Variants in PTPRR observed in about 807,000 individuals in gnomAD.
PTPRR encodes receptor-type tyrosine-protein phosphatase R.
In PTPRR, 38 loss-of-function variants were observed where a neutral mutation model predicts 77.2. The ratio of observed to expected loss-of-function variants is 0.49; its 90% CI spans 0.38 to 0.65. The LOEUF is 0.65. Ranked by LOEUF, PTPRR falls within the 30% of genes least tolerant of loss-of-function variation. PTPRR has a pLI of 0.00. For synonymous variants in PTPRR, 299 were observed against 283.1 expected (o/e 1.06, Z -0.57); for missense variants, 744 against 799.2 (o/e 0.93, Z 0.83).
chr12:70,687,626 C>A (rs546988660), intron 8 of PTPRR, among the ~76,000 whole-genome samples: 1 of 152,184 alleles, frequency 6.6e-6, no homozygotes, highest in South Asian at 2.1e-4. Flanking sequence ...TCAGTTTGAA[C>A]CAAAACACTT....
At chr12:70,876,404 C>T (rs1361207580) in intron 2 of PTPRR, among the ~76,000 whole-genome samples, 3 of 152,002 alleles carry the variant, frequency 2.0e-5, no homozygotes, top group Non-Finnish European at 4.4e-5. Context: ...AATAGATGTA[C>T]ATTGACTCAG....
intron 2 of PTPRR, among the ~76,000 whole-genome samples, chr12:70,863,465 CT>C (rs778761367): frequency 4.0e-4 from 61 of 152,042 alleles, no homozygotes; most frequent in Non-Finnish European, 7.2e-4. Context: ...GCCTAGCATG[CT>C]TTTTAATTTG....
intron 2 of PTPRR, among the ~76,000 whole-genome samples, chr12:70,812,430 A>G (rs985057509): frequency 5.3e-5 from 8 of 152,204 alleles, no homozygotes; most frequent in Admixed American, 3.9e-4. Context: ...CTACTCGTGA[A>G]AGTGCTTTAA....
intron 13 of PTPRR, among the ~76,000 whole-genome samples, chr12:70,644,193 G>A (rs1322028461): frequency 3.9e-5 from 6 of 152,168 alleles, no homozygotes; most frequent in African/African-American, 1.4e-4. Context: ...GTTTCCCAAT[G>A]TATGACTGGC....
At chr12:70,802,812 A>C (rs1393981651) in intron 2 of PTPRR, among the ~76,000 whole-genome samples, 2 of 152,180 alleles carry the variant, frequency 1.3e-5, no homozygotes, top group African/African-American at 2.4e-5. Context: ...TGAGACTATA[A>C]ATAAGTAATT....
chr12:70,826,212 C>T (rs1045386336), intron 2 of PTPRR, among the ~76,000 whole-genome samples: 1 of 152,022 alleles, frequency 6.6e-6, no homozygotes, highest in Admixed American at 6.6e-5. Flanking sequence ...GAGAAGAAAG[C>T]TGAAATTTTG....
chr12:70,667,467 C>A (rs751257666), intron 10 of PTPRR, among the ~76,000 whole-genome samples: 1 of 152,140 alleles, frequency 6.6e-6, no homozygotes, highest in Non-Finnish European at 1.5e-5. Context: ...GCATACCCAT[C>A]AACCCCCTGG....
chr12:70,685,211 C>T (rs1374916800), intron 8 of PTPRR, among the ~76,000 whole-genome samples: 1 of 152,124 alleles, frequency 6.6e-6, no homozygotes, highest in Non-Finnish European at 1.5e-5. Context: ...CAGGTCTGAA[C>T]CTCACCTTGT....
intron 2 of PTPRR, among the ~76,000 whole-genome samples, chr12:70,878,329 G>A (rs1893088464): frequency 6.6e-6 from 1 of 152,086 alleles, no homozygotes; most frequent in South Asian, 2.1e-4. Flanking sequence ...CAGAATGGGA[G>A]AAAACTTTTG....
chr12:70,676,462 G>T (rs918951733), intron 10 of PTPRR, among the ~76,000 whole-genome samples: 1 of 151,778 alleles, frequency 6.6e-6, no homozygotes, highest in Non-Finnish European at 1.5e-5. Context: ...TAATTTATGT[G>T]AATCTATTTA....
intron 6 of PTPRR, among the ~76,000 whole-genome samples, chr12:70,706,445 A>G (rs895841972): frequency 4.6e-5 from 7 of 152,098 alleles, no homozygotes; most frequent in Non-Finnish European, 8.8e-5. Context: ...AATATAAAAG[A>G]TGCCAGGCAT....
At chr12:70,757,629 C>G (rs1175345202) in intron 4 of PTPRR, among the ~76,000 whole-genome samples, 1 of 151,862 alleles carries the variant, frequency 6.6e-6, no homozygotes, top group Non-Finnish European at 1.5e-5. Flanking sequence ...TTTAAAAAAT[C>G]AAGCATATGA....
intron 6 of PTPRR, among the ~76,000 whole-genome samples, chr12:70,740,212 A>G (rs1440306300): frequency 2.6e-5 from 4 of 152,202 alleles, no homozygotes; most frequent in South Asian, 2.1e-4. Context: ...GTACAATTAT[A>G]TGACACAACA....
intron 1 of PTPRR, among the ~76,000 whole-genome samples, chr12:70,902,721 T>A (rs1893558529): frequency 1.3e-5 from 2 of 151,750 alleles, no homozygotes; most frequent in Admixed American, 6.6e-5. Context: ...ACAATGGACT[T>A]TGGGGACCAG....
chr12:70,679,834 T>C (rs1043072943), intron 10 of PTPRR, among the ~76,000 whole-genome samples: 4 of 152,198 alleles, frequency 2.6e-5, no homozygotes, highest in South Asian at 2.1e-4. Flanking sequence ...CGTTTTTTTC[T>C]TTCCCCCATT....
At chr12:70,711,189 CCATGTAATA>C (rs1888815663) in intron 6 of PTPRR, among the ~76,000 whole-genome samples, 1 of 152,082 alleles carries the variant, frequency 6.6e-6, no homozygotes, top group South Asian at 2.1e-4. Context: ...TACATATACA[CCATGTAATA>C]CTATGCAGCC....
chr12:70,812,389 A>G (rs1398620232), intron 2 of PTPRR, among the ~76,000 whole-genome samples: 1 of 152,198 alleles, frequency 6.6e-6, no homozygotes, highest in Non-Finnish European at 1.5e-5. Context: ...CTTTCATGAA[A>G]CATTAACACT....
At chr12:70,756,535 G>A (rs977729378) in intron 4 of PTPRR, among the ~76,000 whole-genome samples, 5 of 152,142 alleles carry the variant, frequency 3.3e-5, no homozygotes, top group African/African-American at 1.2e-4. Context: ...TCAGGTGGCC[G>A]AGAGTTGAAT....
At chr12:70,689,264 C>T (rs1006506085) in intron 8 of PTPRR, among the ~76,000 whole-genome samples, 3 of 151,988 alleles carry the variant, frequency 2.0e-5, no homozygotes, top group Non-Finnish European at 2.9e-5. Flanking sequence ...ACAATGTATA[C>T]ATGTATCAAA....
Sources: gnomAD v4.1 joint callset for allele counts (sites outside exome capture counted in the v4.1 genomes callset) on GRCh38, gnomAD v4.1.1 for gene constraint, MANE v1.5 for transcripts, NCBI Gene and HGNC (gene_info 2026-07-23, HGNC 2026-07-21) for gene names.